ASIC2: variants seen among roughly 807,000 people sequenced by gnomAD.
ASIC2 encodes the protein acid-sensing ion channel 2.
A neutral mutation model predicts 57.3 loss-of-function variants in ASIC2; 25 were observed. The ratio of observed to expected loss-of-function variants is 0.44; its 90% confidence interval spans 0.32 to 0.61. ASIC2 has a LOEUF of 0.61. ASIC2 is among the 20% of genes least tolerant of loss of function. The probability of loss-of-function intolerance (pLI) is 0.06; values close to 1 mark genes in which losing one functional copy is unlikely to be tolerated. For synonymous variants in ASIC2, 319 were observed against 307.5 expected (o/e 1.04, Z -0.39); for missense variants, 641 against 738.1 (o/e 0.87, Z 1.52).
At chr17:33,180,390 CAGG>C (rs1905932069) in intron 1 of ASIC2, among the ~76,000 whole-genome samples, 1 of 152,196 alleles carries the variant, frequency 6.6e-6, no homozygotes, top group Non-Finnish European at 1.5e-5. Flanking sequence ...ATCATGGAAG[CAGG>C]AGGAGCGCCT....
intron 1 of ASIC2, among the ~76,000 whole-genome samples, chr17:33,307,688 A>C (rs1906242064): frequency 6.6e-6 from 1 of 151,680 alleles, no homozygotes; most frequent in African/African-American, 2.4e-5. Flanking sequence ...AGGATTAATC[A>C]CTCCTTCTTT....
At chr17:33,550,262 T>C (rs1340391913) in intron 1 of ASIC2, among the ~76,000 whole-genome samples, 1 of 152,236 alleles carries the variant, frequency 6.6e-6, no homozygotes, top group Admixed American at 6.5e-5. Context: ...CAAGCAGTGT[T>C]GTTCTAAAGT....
At chr17:33,243,191 A>C (rs1237231983) in intron 1 of ASIC2, among the ~76,000 whole-genome samples, 3 of 152,236 alleles carry the variant, frequency 2.0e-5, no homozygotes, top group Non-Finnish European at 2.9e-5. Context: ...CTTAATAACT[A>C]TGCATTTCAT....
At chr17:33,425,956 G>A (rs982776169) in intron 1 of ASIC2, among the ~76,000 whole-genome samples, 1 of 152,144 alleles carries the variant, frequency 6.6e-6, no homozygotes, top group Admixed American at 6.5e-5. Context: ...GGTGGAAGGT[G>A]AAGCGCAGGG....
chr17:33,781,983 G>A (rs556971113), intron 1 of ASIC2, among the ~76,000 whole-genome samples: 2 of 152,224 alleles, frequency 1.3e-5, no homozygotes, highest in South Asian at 4.1e-4. Context: ...TCCCCTGCAT[G>A]GTCTCCCTGC....
chr17:33,034,103 G>A (rs1197427558), intron 3 of ASIC2, among the ~76,000 whole-genome samples: 2 of 152,062 alleles, frequency 1.3e-5, no homozygotes, highest in South Asian at 2.1e-4. Context: ...AGCACTCGAT[G>A]GGGTGAGCTG....
chr17:33,371,552 C>T (rs1394394), intron 1 of ASIC2, among the ~76,000 whole-genome samples: 28,175 of 152,122 alleles, frequency 0.19, 3,473 homozygotes, highest in East Asian at 0.67. Context: ...CTTGACTCTG[C>T]CACTGACTCA....
At chr17:33,521,039 A>T (rs56056763) in intron 1 of ASIC2, among the ~76,000 whole-genome samples, 41,708 of 151,698 alleles carry the variant, frequency 0.27, 7,243 homozygotes, top group Non-Finnish European at 0.38. Context: ...GAATAATAAT[A>T]ATTATTATTA....
At chr17:33,507,748 A>G (rs1914309390) in intron 1 of ASIC2, among the ~76,000 whole-genome samples, 1 of 152,122 alleles carries the variant, frequency 6.6e-6, no homozygotes, top group Non-Finnish European at 1.5e-5. Context: ...CTAAAAATAC[A>G]AAAACTTAGC....
At chr17:33,443,423 T>TTTTTTTTTTTA in intron 1 of ASIC2, among the ~76,000 whole-genome samples, 1 of 136,030 alleles carries the variant, frequency 7.4e-6, no homozygotes, top group Non-Finnish European at 1.6e-5. Context: ...TTTTTTTTTT[T>TTTTTTTTTTTA]TTTTTTTTGA....
At chr17:33,836,359 C>G (rs1303711754) in intron 1 of ASIC2, among the ~76,000 whole-genome samples, 2 of 149,750 alleles carry the variant, frequency 1.3e-5, no homozygotes, top group Non-Finnish European at 3.0e-5. Context: ...ATTGACCTGC[C>G]TTTTTAGAGA....
At chr17:33,386,187 C>T (rs1909670564) in intron 1 of ASIC2, among the ~76,000 whole-genome samples, 1 of 152,150 alleles carries the variant, frequency 6.6e-6, no homozygotes, top group East Asian at 1.9e-4. Context: ...CAAATATATG[C>T]AGCTTCAACA....
intron 1 of ASIC2, among the ~76,000 whole-genome samples, chr17:34,048,177 G>C (rs1378869897): frequency 6.6e-6 from 1 of 152,156 alleles, no homozygotes; most frequent in African/African-American, 2.4e-5. Context: ...TGTGTTCTGA[G>C]TTCTCTCACT....
chr17:33,385,977 A>G (rs1304444760), intron 1 of ASIC2, among the ~76,000 whole-genome samples: 1 of 152,176 alleles, frequency 6.6e-6, no homozygotes, highest in Non-Finnish European at 1.5e-5. Context: ...CCTCGCAGAG[A>G]TAATGACACC....
At chr17:34,108,686 A>C (rs1911155026) in intron 1 of ASIC2, among the ~76,000 whole-genome samples, 2 of 152,154 alleles carry the variant, frequency 1.3e-5, no homozygotes, top group African/African-American at 4.8e-5. Context: ...ATCATTGTTG[A>C]TTCTTTGTGT....
chr17:33,699,454 T>C (rs1032107106), intron 1 of ASIC2, among the ~76,000 whole-genome samples: 1 of 152,214 alleles, frequency 6.6e-6, no homozygotes, highest in African/African-American at 2.4e-5. Context: ...GGGAATCCAT[T>C]AGTGTGGGAT....
intron 1 of ASIC2, among the ~76,000 whole-genome samples, chr17:34,024,969 G>C (rs1907319885): frequency 6.6e-6 from 1 of 152,214 alleles, no homozygotes; most frequent in African/African-American, 2.4e-5. Context: ...TTGCACTGTG[G>C]AGAATGACTC....
chr17:34,099,086 C>A (rs1472904094), intron 1 of ASIC2, among the ~76,000 whole-genome samples: 2 of 101,802 alleles, frequency 2.0e-5, no homozygotes, highest in African/African-American at 3.5e-5. Context: ...AGAGCAGCAG[C>A]TACATTAAGA....
intron 2 of ASIC2, among the ~76,000 whole-genome samples, chr17:33,096,420 G>A (rs1169241297): frequency 1.3e-5 from 2 of 152,210 alleles, no homozygotes; most frequent in Non-Finnish European, 2.9e-5. Flanking sequence ...CTTAGCATGT[G>A]CATGAAGCAC....
Sources: allele counts gnomAD v4.1 joint callset (sites outside exome capture counted in the v4.1 genomes callset), GRCh38; gene constraint gnomAD v4.1.1; transcripts MANE v1.5; gene names NCBI Gene and HGNC (gene_info 2026-07-23, HGNC 2026-07-21).